CRACR2A: variants seen among roughly 807,000 people sequenced by gnomAD.
The protein encoded by CRACR2A is calcium release activated channel regulator 2A.
Under a neutral mutation model 90.5 loss-of-function variants are expected in CRACR2A, and 79 were observed. The ratio of observed to expected loss-of-function variants is 0.87; its 90% CI spans 0.73 to 1.05. The LOEUF (loss-of-function observed/expected upper bound fraction) is 1.05. CRACR2A is among the 50% of genes least tolerant of loss of function. The pLI, the probability that CRACR2A is intolerant of heterozygous loss-of-function variation, is 0.00. For synonymous variants in CRACR2A, 338 were observed against 356.7 expected, an observed-to-expected ratio of 0.95 and a Z score of 0.59; for missense variants, 823 against 897.2, an observed-to-expected ratio of 0.92 and a Z score of 1.06.
At chr12:3,666,331 G>T (rs901706865) in intron 7 of CRACR2A, among the ~76,000 whole-genome samples, 1 of 65,440 alleles carries the variant, frequency 1.5e-5, no homozygotes, top group Non-Finnish European at 3.1e-5. Flanking sequence ...GGACGGCTGC[G>T]TGTGTGTGTG....
intron 2 of CRACR2A, among the ~76,000 whole-genome samples, chr12:3,715,918 T>C (rs1463683330): frequency 6.6e-6 from 1 of 152,002 alleles, no homozygotes; most frequent in East Asian, 1.9e-4. Context: ...CAAAAAGAAG[T>C]CAGAAGGAGC....
chr12:3,654,442 C>A, intron 9 of CRACR2A, 43 bp from the exon 10 acceptor site: 1 of 1,536,028 alleles, frequency 6.5e-7, no homozygotes, highest in Non-Finnish European at 8.7e-7. Flanking sequence ...GAGTGACCAC[C>A]ATTTTCAGGA....
chr12:3,716,228 G>A (rs1367589305), intron 2 of CRACR2A, among the ~76,000 whole-genome samples: 10 of 152,138 alleles, frequency 6.6e-5, no homozygotes, highest in South Asian at 4.1e-4. Context: ...CTCTTGACTG[G>A]TCCACATTTG....
At chr12:3,644,930 C>A (rs189586087) in intron 11 of CRACR2A, among the ~76,000 whole-genome samples, 1 of 152,212 alleles carries the variant, frequency 6.6e-6, no homozygotes, top group Admixed American at 6.5e-5. Flanking sequence ...CAGAGGGGAC[C>A]TCAGCATTCC....
chr12:3,742,763 C>G (rs920875349), intron 1 of CRACR2A, among the ~76,000 whole-genome samples: 1 of 152,228 alleles, frequency 6.6e-6, no homozygotes, highest in Non-Finnish European at 1.5e-5. Context: ...CACTTACCTG[C>G]TGAATTCTAC....
chr12:3,737,212 G>T (rs1186105455), intron 1 of CRACR2A, among the ~76,000 whole-genome samples: 1 of 150,258 alleles, frequency 6.7e-6, no homozygotes, highest in Non-Finnish European at 1.5e-5. Context: ...GCAACCCAAG[G>T]AAAGGTGGGT....
chr12:3,691,978 G>A (rs1945656309), intron 4 of CRACR2A, among the ~76,000 whole-genome samples: 1 of 152,178 alleles, frequency 6.6e-6, no homozygotes, highest in Non-Finnish European at 1.5e-5. Flanking sequence ...TTCTTGTAGT[G>A]TAGTTTTTCA....
chr12:3,636,712 G>T (rs1388934043), intron 14 of CRACR2A, among the ~76,000 whole-genome samples: 6 of 151,718 alleles, frequency 4.0e-5, no homozygotes, highest in Non-Finnish European at 8.8e-5. Context: ...GCATTGAAGG[G>T]GATGTGGAAG....
intron 2 of CRACR2A, among the ~76,000 whole-genome samples, chr12:3,722,945 G>A (rs573620233): frequency 6.6e-6 from 1 of 152,264 alleles, no homozygotes; most frequent in Non-Finnish European, 1.5e-5. Context: ...CCCTCTCTGA[G>A]CCTCAGTTTC....
At chr12:3,736,779 C>T (rs559534340) in intron 1 of CRACR2A, among the ~76,000 whole-genome samples, 6 of 152,272 alleles carry the variant, frequency 3.9e-5, no homozygotes, top group East Asian at 1.9e-4. Flanking sequence ...GAACGTTTAA[C>T]GAACTAGAGG....
At chr12:3,636,012 C>T (rs1477578338) in intron 14 of CRACR2A, among the ~76,000 whole-genome samples, 1 of 152,164 alleles carries the variant, frequency 6.6e-6, no homozygotes, top group African/African-American at 2.4e-5. Flanking sequence ...CTTTTAACAG[C>T]CGTATAATAT....
chr12:3,733,111 G>T lies in CRACR2A; in HGVS notation c.-287C>A, dbSNP rs918345400. On this transcript the variant is annotated 5_prime_UTR_variant, in exon 2 of 20. Coordinates refer to ENST00000440314, the MANE Select transcript of CRACR2A (RefSeq NM_001144958.2). Reference sequence around the variant, plus strand: ...GGCTCTGGCTGGGCTCATGGAGGAAGAGTGGCAAGTTGCTGCTGCCCCACC... The same window carrying T: ...GGCTCTGGCTGGGCTCATGGAGGAATAGTGGCAAGTTGCTGCTGCCCCACC... The T allele has an allele frequency of 6.5e-6, 1 of 152,692 alleles. No individual in the cohort carries two copies. The allele number at this position is 152,692 out of a possible 1,614,324, so 9.5% of individuals were successfully genotyped here. A position where few individuals can be genotyped will look rare whatever the true frequency, so the allele number is the denominator to read the frequency against.
At chr12:3,641,643 A>AG in intron 13 of CRACR2A, 89 bp downstream of exon 13, 4 of 1,166,340 alleles carry the variant, frequency 3.4e-6, no homozygotes, top group Non-Finnish European at 4.9e-6. Context: ...GCACCTCTCA[A>AG]GGGGTCAGCA....
At chr12:3,688,020 A>G (rs1395466273) in intron 4 of CRACR2A, among the ~76,000 whole-genome samples, 2 of 151,984 alleles carry the variant, frequency 1.3e-5, no homozygotes, top group African/African-American at 4.8e-5. Context: ...TCTTTTGCCC[A>G]CTTTTTTATG....
chr12:3,634,308 C>T (rs773427078), intron 14 of CRACR2A, among the ~76,000 whole-genome samples: 20 of 152,298 alleles, frequency 1.3e-4, no homozygotes, highest in East Asian at 1.9e-4. Flanking sequence ...CCTCCCTCTC[C>T]GTCCATCTTA....
intron 3 of CRACR2A, among the ~76,000 whole-genome samples, chr12:3,704,339 A>G (rs1012451361): frequency 2.6e-5 from 4 of 152,226 alleles, no homozygotes; most frequent in African/African-American, 9.6e-5. Context: ...AAATGAAAAC[A>G]TTTGTTAGAA....
intron 4 of CRACR2A, among the ~76,000 whole-genome samples, chr12:3,683,308 A>C (rs1276332930): frequency 2.0e-5 from 3 of 152,018 alleles, no homozygotes; most frequent in Non-Finnish European, 4.4e-5. Context: ...ACACCTACCC[A>C]CCTACCAGCA....
At chr12:3,685,809 T>C (rs180731339) in intron 4 of CRACR2A, among the ~76,000 whole-genome samples, 74 of 152,284 alleles carry the variant, frequency 4.9e-4, no homozygotes, top group African/African-American at 1.7e-3. Context: ...TAAATGATAA[T>C]GGTGGTTGCA....
chr12:3,680,214 T>C, intron 5 of CRACR2A, 24 bp downstream of exon 5: 1 of 1,592,726 alleles, frequency 6.3e-7, no homozygotes, highest in South Asian at 1.1e-5. Flanking sequence ...AACCCTGAGG[T>C]CCCCAGCACC....
Sources: gnomAD v4.1 joint callset for allele counts (sites outside exome capture counted in the v4.1 genomes callset) on GRCh38, gnomAD v4.1.1 for gene constraint, MANE v1.5 for transcripts, NCBI Gene and HGNC (gene_info 2026-07-23, HGNC 2026-07-21) for gene names.